CCDC191: variants seen among roughly 807,000 people sequenced by gnomAD.
CCDC191 encodes coiled-coil domain-containing protein 191.
Under a neutral mutation model 114.0 loss-of-function variants are expected in CCDC191, and 99 were observed. The ratio of observed to expected loss-of-function variants is 0.87; its 90% CI spans 0.74 to 1.03. CCDC191 has a LOEUF of 1.03. CCDC191 is among the 50% of genes least tolerant of loss of function. CCDC191 has a pLI of 0.00. For synonymous variants in CCDC191, 351 were observed against 376.0 expected, an observed-to-expected ratio of 0.93 and a Z score of 0.77; for missense variants, 973 against 1,087.0, an observed-to-expected ratio of 0.90 and a Z score of 1.47.
chr3:113,980,439 C>T (rs1205169831), intron 14 of CCDC191, among the ~76,000 whole-genome samples: 1 of 152,150 alleles, frequency 6.6e-6, no homozygotes, highest in Non-Finnish European at 1.5e-5. Flanking sequence ...CATTTTCTCT[C>T]ATTTTTTCCA....
Position 113,978,860 on chromosome 3 carries a change from G to T in CCDC191, c.2458C>A (p.Gln820Lys), listed in dbSNP as rs754074579. 1.1e-5 allele frequency: 17 copies of T among 1,613,712 alleles called. 1 individual carries two copies. The South Asian group carries it at 1.9e-4, about 18-fold the overall frequency. ...GGTACCCTTCCCTATGTCCTTACCTGTAGCCAGCTCTGGATGACTCTCTTA... is the reference window on the plus strand; with the variant it reads ...GGTACCCTTCCCTATGTCCTTACCTTTAGCCAGCTCTGGATGACTCTCTTA... ...LLKRVIQSWL[Q>K]YVIDLQEEVR... is the part of the protein sequence containing the mutation. Residue 820 changes from glutamine to lysine, a missense_variant and splice_region_variant, in exon 15 of 17, where the codon CAG (glutamine) becomes AAG (lysine). By Grantham distance (53) the Gln-to-Lys change is moderately conservative (BLOSUM62 1). Coordinates refer to ENST00000295878, the MANE Select transcript of CCDC191 (RefSeq NM_020817.2).
rs923185402 is a variant in CCDC191, at chr3:114,036,816, A to T, written c.416-30T>A. ...GGGAAACAGAACAACAAAAAAGGGAATTTTTTTAAAAAATTAATTTTAGTA... is the reference window on the plus strand; with the variant it reads ...GGGAAACAGAACAACAAAAAAGGGATTTTTTTTAAAAAATTAATTTTAGTA... On this transcript the variant is annotated intron_variant, in intron 4 of 16. Transcript: ENST00000295878. 6.4e-5 allele frequency: 92 copies of T among 1,440,278 alleles called. 1 individual carries two copies. The East Asian group carries it at 1.7e-3, about 26-fold the overall frequency. 89.2% of individuals were successfully genotyped at this position (1,440,278 alleles called of 1,614,324 possible).
chr3:113,986,849 G>T (rs1460586911), intron 13 of CCDC191, among the ~76,000 whole-genome samples: 1 of 152,128 alleles, frequency 6.6e-6, no homozygotes, highest in Non-Finnish European at 1.5e-5. Context: ...ACCAAGGAAA[G>T]ACTGTATGAG....
chr3:113,991,977 AAAC>A (rs1211274365), intron 13 of CCDC191, among the ~76,000 whole-genome samples: 2 of 152,230 alleles, frequency 1.3e-5, no homozygotes, highest in Non-Finnish European at 2.9e-5. Flanking sequence ...AAAGCTATAA[AAAC>A]AATGATGAAA....
intron 11 of CCDC191, chr3:114,002,953 G>C (rs2075882582): frequency 3.0e-6 from 3 of 984,286 alleles, no homozygotes; most frequent in Admixed American, 6.2e-5. Context: ...AAATCCTATT[G>C]AATCTGCTAA....
At chr3:113,976,701 T>C (rs1406642092) in intron 16 of CCDC191, among the ~76,000 whole-genome samples, 2 of 151,782 alleles carry the variant, frequency 1.3e-5, no homozygotes, top group Non-Finnish European at 2.9e-5. Context: ...TGAGTTACTA[T>C]AGTACCCTGT....
intron 7 of CCDC191, among the ~76,000 whole-genome samples, chr3:114,021,431 A>C (rs1454639247): frequency 1.3e-5 from 2 of 152,096 alleles, no homozygotes; most frequent in Non-Finnish European, 2.9e-5. Flanking sequence ...GCCTGCTCAA[A>C]AAAACCAATC....
chr3:114,043,106 T>C (rs966802944), intron 3 of CCDC191, among the ~76,000 whole-genome samples: 2 of 152,064 alleles, frequency 1.3e-5, no homozygotes, highest in Non-Finnish European at 2.9e-5. Context: ...GTGTTGTAGC[T>C]TTAAATTGGG....
chr3:113,980,631 T>C lies in CCDC191; in HGVS notation c.2307+19A>G. 1 of 1,544,332 alleles carries C rather than the reference T, an allele frequency of 6.5e-7. No individual in the cohort carries two copies. The highest frequency in any genetic ancestry group is 8.7e-7 in the Non-Finnish European group (1 of 1,154,720). On this transcript the variant is annotated intron_variant, in intron 14 of 16. Coordinates refer to ENST00000295878, the MANE Select transcript of CCDC191 (RefSeq NM_020817.2). Reference sequence around the variant, plus strand: ...AAAGTCCATTTTCTAATCTGGGGGATAACAGTGGGACAGTGTACCTGGATG... The same window carrying C: ...AAAGTCCATTTTCTAATCTGGGGGACAACAGTGGGACAGTGTACCTGGATG...
intron 13 of CCDC191, among the ~76,000 whole-genome samples, chr3:113,981,487 A>C (rs2107613557): frequency 6.6e-6 from 1 of 152,302 alleles, no homozygotes; most frequent in South Asian, 2.1e-4. Flanking sequence ...AAGGTGAGAG[A>C]AAAAGAAATC....
chr3:113,967,352 C>T (rs1238325533), intron 16 of CCDC191, among the ~76,000 whole-genome samples: 1 of 150,166 alleles, frequency 6.7e-6, no homozygotes, highest in South Asian at 2.1e-4. Flanking sequence ...TGGGTGAAAT[C>T]TTCCTAGATC....
rs1247039872 is a variant in CCDC191, at chr3:114,002,461, T to A, written c.2056A>T (p.Lys686Ter). ...TTGCATTTTGAATCTATTACCAATT[T>A]TTCTTCTTCTTGTTTTTTCTTCTTC... ...AEKKKKQEEE[K>*]LAQLKAQEEE... The change falls in exon 12 of 17, where the codon AAA (lysine) becomes TAA (stop). Residue 686 changes from lysine to a stop codon, truncating the protein, a stop_gained. Transcript: ENST00000295878. LOFTEE classifies it high-confidence loss of function. The A allele has an allele frequency of 1.2e-6, 2 of 1,607,040 alleles. No individual in the cohort carries two copies. The highest frequency in any genetic ancestry group is 3.4e-5 in the Admixed American group (2 of 59,134).
intron 16 of CCDC191, 160 bp from the exon 17 acceptor site, chr3:113,965,519 G>A: frequency 2.4e-6 from 1 of 411,960 alleles, no homozygotes; most frequent in South Asian, 8.7e-5. Context: ...GAAATGCTGT[G>A]AAAAAAATAA....
At position 114,011,017 on chromosome 3, in the gene CCDC191, G is replaced by A. The variant is rs1468322100; in HGVS notation, c.1168C>T (p.Gln390Ter). 1.2e-6 allele frequency: 2 copies of A among 1,609,348 alleles called. No individual in the cohort carries two copies. Among genetic ancestry groups the A allele is most frequent in the African/African-American group, 2.7e-5 (2 of 74,650 alleles). Reference protein sequence around the residue: ...ENDLREENRKQQLATEYNRKQ... With the variant: ...ENDLREENRK Reference sequence around the variant, plus strand: ...CGGTTATACTCAGTGGCCAGTTGTTGTTTTCTAAGCAACAAAGCACTTCCA... The same window carrying A: ...CGGTTATACTCAGTGGCCAGTTGTTATTTTCTAAGCAACAAAGCACTTCCA... Residue 390 changes from glutamine to a stop codon, truncating the protein, a stop_gained, in exon 9 of 17, where the codon CAA becomes TAA. Transcript: ENST00000295878. LOFTEE classifies it high-confidence loss of function.
intron 16 of CCDC191, among the ~76,000 whole-genome samples, chr3:113,966,179 A>AC (rs1940146113): frequency 6.6e-6 from 1 of 152,118 alleles, no homozygotes; most frequent in African/African-American, 2.4e-5. Flanking sequence ...TGGTAACCTG[A>AC]CCTCCAACAG....
At chr3:113,983,467 TTAA>T (rs1267825125) in intron 13 of CCDC191, among the ~76,000 whole-genome samples, 1 of 152,130 alleles carries the variant, frequency 6.6e-6, no homozygotes. Context: ...TATCTCACAT[TTAA>T]CATGCCCCCG....
In CCDC191 at chr3:114,047,338, AGT is replaced by A. The variant is rs569634202; in HGVS notation, c.130-608_130-607del. Among the ~76,000 whole-genome samples the A allele has an allele frequency of 3.2e-3, 493 of 152,306 alleles. 2 individuals are homozygous for A. The highest frequency in any genetic ancestry group is 0.011 in the African/African-American group (473 of 41,568). On this transcript the variant is annotated intron_variant, in intron 2 of 16. Transcript: ENST00000295878. ...ACAGCAGAAGTGGACAAACTGCCTT[AGT>A]GTTTTTATTTACCTGCACAGAATAA...
chr3:113,979,042 C>A, intron 14 of CCDC191, 32 bp from the exon 15 acceptor site: 1 of 1,593,356 alleles, frequency 6.3e-7, no homozygotes, highest in Non-Finnish European at 8.6e-7. Flanking sequence ...AAATATTATT[C>A]CTTAAATTTT....
chr3:114,045,193 G>C (rs893212077), intron 3 of CCDC191, among the ~76,000 whole-genome samples: 1 of 151,942 alleles, frequency 6.6e-6, no homozygotes, highest in Admixed American at 6.6e-5. Flanking sequence ...TGGGAGGTGG[G>C]GTGGGCAAGA....
Sources: allele counts gnomAD v4.1 joint callset (sites outside exome capture counted in the v4.1 genomes callset), GRCh38; gene constraint gnomAD v4.1.1; transcripts MANE v1.5; gene names NCBI Gene and HGNC (gene_info 2026-07-23, HGNC 2026-07-21).